RBKS: variants seen among roughly 807,000 people sequenced by gnomAD.
The protein encoded by RBKS is ribokinase.
Under a neutral mutation model 33.9 loss-of-function variants are expected in RBKS, and 33 were observed. The ratio of observed to expected loss-of-function variants is 0.97; its 90% CI spans 0.74 to 1.30. The LOEUF is 1.30. Among genes scored for constraint, RBKS ranks in the 50% most tolerant of loss-of-function variants. RBKS has a pLI of 0.00. For missense variants in RBKS, 361 were observed against 392.6 expected (o/e 0.92, Z 0.68); for synonymous variants, 125 against 143.0 (o/e 0.87, Z 0.90).
rs1206677360 is a variant in RBKS at position 27,840,898 on chromosome 2, T to C, written c.514+2169A>G. 2.0e-5 allele frequency among the ~76,000 whole-genome samples: 3 copies of C among 152,198 alleles called. No homozygotes were observed. The East Asian group carries it at 5.8e-4, about 29-fold the overall frequency. ...TGCCATATCTTTGTCATAAGGTTTT[T>C]CTGAGGGTAAAATGTGTACGAAAGT... On this transcript the variant is annotated intron_variant, in intron 5 of 7. Coordinates refer to ENST00000302188, the MANE Select transcript of RBKS (RefSeq NM_022128.3).
At chr2:27,823,499 C>T (rs765340986) in intron 7 of RBKS, among the ~76,000 whole-genome samples, 2 of 151,976 alleles carry the variant, frequency 1.3e-5, no homozygotes, top group Non-Finnish European at 2.9e-5. Context: ...GGTTACAAAC[C>T]GACTGAGAGC....
intron 1 of RBKS, chr2:27,861,663 T>G (rs188091430): frequency 4.4e-4 from 139 of 312,898 alleles, no homozygotes; most frequent in East Asian, 5.0e-4. Flanking sequence ...CATTTCTTTT[T>G]GGGGGGGGGG....
At chr2:27,880,408 G>C (rs1664394671) in intron 1 of RBKS, among the ~76,000 whole-genome samples, 2 of 152,130 alleles carry the variant, frequency 1.3e-5, no homozygotes, top group Non-Finnish European at 2.9e-5. Context: ...ATATAGTATT[G>C]GAAGTCCTTG....
At chr2:27,792,545 C>T (rs1477295579) in intron 7 of RBKS, among the ~76,000 whole-genome samples, 1 of 152,218 alleles carries the variant, frequency 6.6e-6, no homozygotes, top group African/African-American at 2.4e-5. Flanking sequence ...AATCTATCAT[C>T]CCTTGGTGCT....
rs139738196 is a variant in RBKS at position 27,791,400 on chromosome 2, G to A, written c.796-9612C>T. Among the ~76,000 whole-genome samples, 17 of 152,222 alleles carry A rather than the reference G, an allele frequency of 1.1e-4. No individual in the cohort carries two copies. The East Asian group carries it at 2.1e-3, about 19-fold the overall frequency. On this transcript the variant is annotated intron_variant, in intron 7 of 7. Coordinates refer to ENST00000302188, the MANE Select transcript of RBKS (RefSeq NM_022128.3). ...AGGCATCTTCTAATCTGTTGAGGGC[G>A]TGGATGGAACTAAAAGGCAGAAGGG... is the stretch of plus-strand genomic sequence containing the variant.
At chr2:27,800,506 A>C (rs1235109765) in intron 7 of RBKS, among the ~76,000 whole-genome samples, 1 of 152,146 alleles carries the variant, frequency 6.6e-6, no homozygotes, top group Non-Finnish European at 1.5e-5. Context: ...AATGTATGTG[A>C]AAAGGCTTAG....
At position 27,781,726 on chromosome 2, in the gene RBKS, G is replaced by C. The variant is rs1259372508; in HGVS notation, c.858C>G (p.Ser286=). The C allele has an allele frequency of 6.2e-7, 1 of 1,614,040 alleles. No homozygotes were observed. Among genetic ancestry groups the C allele is most frequent in the Non-Finnish European group, 8.5e-7 (1 of 1,179,984 alleles). Residue 286 remains serine (S), a synonymous_variant, in exon 8 of 8, where the codon TCC becomes TCG. Transcript: ENST00000302188. ...AFYLAYYPNL[S]LEDMLNRSNF... is the part of the protein sequence containing the mutation. ...TGGATCTGTTGAGCATGTCTTCCAA[G>C]GACAGATTTGGATAGTAAGCCAGGT...
At chr2:27,866,979 C>T (rs1664114384) in intron 1 of RBKS, among the ~76,000 whole-genome samples, 1 of 151,534 alleles carries the variant, frequency 6.6e-6, no homozygotes, top group Non-Finnish European at 1.5e-5. Flanking sequence ...TGGCGTGCAC[C>T]TGTGGTCGCA....
intron 7 of RBKS, chr2:27,809,718 G>A: frequency 3.1e-6 from 1 of 326,288 alleles, no homozygotes; most frequent in Non-Finnish European, 5.9e-6. Flanking sequence ...TCTAACAGCT[G>A]CTTTTTTATT....
chr2:27,860,130 TTATAGTAC>T (rs1296612338), intron 1 of RBKS, among the ~76,000 whole-genome samples: 1 of 152,182 alleles, frequency 6.6e-6, no homozygotes, highest in Non-Finnish European at 1.5e-5. Flanking sequence ...CTAAATGCAT[TTATAGTAC>T]TGATGAAAAA....
intron 1 of RBKS, among the ~76,000 whole-genome samples, chr2:27,878,397 A>G (rs1286848449): frequency 3.6e-4 from 54 of 151,370 alleles, no homozygotes; most frequent in African/African-American, 1.2e-3. Context: ...TCCATGGTGT[A>G]TATGTGCCAC....
rs747046145 is a variant in RBKS, at chr2:27,781,760, A to G, written c.824T>C (p.Leu275Pro). 1.2e-6 allele frequency: 2 copies of G among 1,613,756 alleles called. No individual in the cohort carries two copies. Among genetic ancestry groups the G allele is most frequent in the East Asian group, 4.5e-5 (2 of 44,842 alleles). ...TGAGDSFVGALAFYLAYYPNL... is the reference protein window; with the variant it reads ...TGAGDSFVGAPAFYLAYYPNL... ...TGGATAGTAAGCCAGGTAGAAGGCC[A>G]GAGCTCCCACAAAGCTGTCACCAGC... Residue 275 changes from leucine (L) to proline (P), a missense_variant, in exon 8 of 8, where the codon CTG (leucine) becomes CCG (proline). Leu to Pro is a moderately conservative substitution (Grantham distance 98). Coordinates refer to ENST00000302188, the MANE Select transcript of RBKS (RefSeq NM_022128.3).
chr2:27,877,746 A>C (rs1318391860), intron 1 of RBKS, among the ~76,000 whole-genome samples: 1 of 152,050 alleles, frequency 6.6e-6, no homozygotes, highest in Non-Finnish European at 1.5e-5. Flanking sequence ...CCACTTTACT[A>C]AACAGTTGTT....
rs146211375 is a variant in RBKS at position 27,792,574 on chromosome 2, T to C, written c.796-10786A>G. Among the ~76,000 whole-genome samples the C allele has an allele frequency of 7.2e-5, 11 of 152,362 alleles. 1 individual carries two copies. In the East Asian group the frequency reaches 1.9e-3, roughly 27 times the overall value. On this transcript the variant is annotated intron_variant, in intron 7 of 7. Coordinates refer to ENST00000302188, the MANE Select transcript of RBKS (RefSeq NM_022128.3). ...TGGTGCTCAATCTTTTTACCTAAAA[T>C]CAATGAACAGAACTCTTAACACATG...
Position 27,890,167 on chromosome 2 carries a change from G to T in RBKS, c.89+90C>A. On this transcript the variant is annotated intron_variant, in intron 1 of 7. Coordinates refer to ENST00000302188, the MANE Select transcript of RBKS (RefSeq NM_022128.3). The surrounding 1 kb of genome is among the most constrained non-coding windows in gnomAD (Gnocchi z 4.8). ...AAAGCTAGCACTGTCTATCCCTGGA[G>T]ACCCAGCGCCCAAAAGCTCCACTGG... is the stretch of plus-strand genomic sequence containing the variant. 8.1e-7 allele frequency: 1 copy of T among 1,229,540 alleles called. No homozygotes were observed. The highest frequency in any genetic ancestry group is 1.2e-6 in the Non-Finnish European group (1 of 851,866). 76.2% of individuals were successfully genotyped at this position (1,229,540 alleles called of 1,614,324 possible).
rs56729802 is a variant in RBKS, at chr2:27,861,663, T to TGGGG, written c.90-3096_90-3093dup. On this transcript the variant is annotated intron_variant, in intron 1 of 7. Transcript: ENST00000302188. Reference sequence around the variant, plus strand: ...GAGATTAGTATGTTCCATTTCTTTTTGGGGGGGGGGTGGAGTCTCACTTTG... The same window carrying TGGGG: ...GAGATTAGTATGTTCCATTTCTTTTTGGGGGGGGGGGGGGTGGAGTCTCACTTTG... The TGGGG allele has an allele frequency of 5.2e-3, 1,622 of 311,926 alleles. 16 individuals are homozygous for TGGGG. The highest frequency in any genetic ancestry group is 0.017 in the East Asian group (102 of 5,892). 19.3% of individuals were successfully genotyped at this position (311,926 alleles called of 1,614,324 possible).
At chr2:27,788,000 A>G (rs1474284977) in intron 7 of RBKS, among the ~76,000 whole-genome samples, 1 of 152,248 alleles carries the variant, frequency 6.6e-6, no homozygotes, top group African/African-American at 2.4e-5. Context: ...TGATTATATC[A>G]ACAGGAGCTG....
intron 5 of RBKS, among the ~76,000 whole-genome samples, chr2:27,836,795 C>T (rs1018077309): frequency 2.0e-5 from 3 of 152,012 alleles, no homozygotes; most frequent in Non-Finnish European, 2.9e-5. Context: ...TTACATAAAT[C>T]GACAAGCAAA....
chr2:27,791,516 G>C (rs555474910), intron 7 of RBKS, among the ~76,000 whole-genome samples: 127 of 151,792 alleles, frequency 8.4e-4, no homozygotes, highest in African/African-American at 3.0e-3. Context: ...TTTGACCTCA[G>C]ACTAAATTGT....
Sources: gnomAD v4.1 joint callset for allele counts (sites outside exome capture counted in the v4.1 genomes callset) on GRCh38, gnomAD v4.1.1 for gene constraint, Gnocchi (gnomAD v3.1) non-coding constraint, MANE v1.5 for transcripts, NCBI Gene and HGNC (gene_info 2026-07-23, HGNC 2026-07-21) for gene names.